The following RTN1 variants were observed in gnomAD, a reference collection of about 807,000 sequenced individuals.
The protein encoded by RTN1 is reticulon 1.
In RTN1, 25 loss-of-function variants were observed where a neutral mutation model predicts 65.5. The ratio of observed to expected loss-of-function variants is 0.38; its 90% confidence interval spans 0.28 to 0.53. RTN1 has a LOEUF of 0.53. RTN1 is among the 20% of genes least tolerant of loss of function. RTN1 has a pLI of 0.79. For synonymous variants in RTN1, 471 were observed against 447.6 expected (o/e 1.05, Z -0.66); for missense variants, 983 against 1,025.4 (o/e 0.96, Z 0.57).
At chr14:59,629,915 T>C (rs566244363) in intron 3 of RTN1, among the ~76,000 whole-genome samples, 52 of 152,304 alleles carry the variant, frequency 3.4e-4, no homozygotes, top group Admixed American at 1.0e-3. Flanking sequence ...GGCTACGCCA[T>C]CATATTTTCA....
At chr14:59,771,106 C>T (rs1370430183) in intron 1 of RTN1, among the ~76,000 whole-genome samples, 1 of 152,098 alleles carries the variant, frequency 6.6e-6, no homozygotes, top group East Asian at 1.9e-4. Flanking sequence ...AGTCATCCCT[C>T]ATCAACATGA....
chr14:59,672,478 C>T (rs567206762), intron 3 of RTN1, among the ~76,000 whole-genome samples: 1 of 152,068 alleles, frequency 6.6e-6, no homozygotes, highest in Non-Finnish European at 1.5e-5. Flanking sequence ...ACATAAAGGA[C>T]ACATCATATG....
Position 59,868,475 on chromosome 14 carries a change from T to TAATACTAAAAATGCAAAA in RTN1, c.241+1914_241+1915insTTTTGCATTTTTAGTATT, listed in dbSNP as rs1887835562. On this transcript the variant is annotated intron_variant, in intron 1 of 8. Transcript: ENST00000267484. The surrounding 1 kb of genome is among the most constrained non-coding windows in gnomAD (Gnocchi z 4.0). Reference sequence around the variant, plus strand: ...AATAATACTAAAAATGCAAAATGCATTGTTATTTACTACAGCCACCTTTCT... The same window carrying TAATACTAAAAATGCAAAA: ...AATAATACTAAAAATGCAAAATGCATAATACTAAAAATGCAAAATGTTATTTACTACAGCCACCTTTCT... Among the ~76,000 whole-genome samples the TAATACTAAAAATGCAAAA allele has an allele frequency of 6.6e-6, 1 of 152,094 alleles. No homozygotes were observed. Among genetic ancestry groups the TAATACTAAAAATGCAAAA allele is most frequent in the Admixed American group, 6.5e-5 (1 of 15,286 alleles).
chr14:59,727,504 T>C lies in RTN1; in HGVS notation c.1180A>G (p.Thr394Ala). 6.3e-7 allele frequency: 1 copy of C among 1,596,706 alleles called. No individual in the cohort carries two copies. The highest frequency in any genetic ancestry group is 8.5e-7 in the Non-Finnish European group (1 of 1,172,314). The change falls in exon 3 of 9, where the codon ACC becomes GCC. Residue 394 changes from threonine (T) to alanine (A), a missense_variant. Physicochemically the swap from Thr to Ala is moderately conservative, Grantham distance 58 (BLOSUM62 0). This residue lies in a region of RTN1 where 818 missense variants were observed against 801.8 expected (regional missense o/e 1.02). Transcript: ENST00000267484. This position sits in a 1 kb window ranked among gnomAD's most constrained non-coding sequence, Gnocchi z 4.2. The stretch of plus-strand genomic sequence containing the variant: ...TCGTGGTCCAGGGGGCTGGGGATGG[T>C]TGGCGGTCCGGACCTGGCCTTGACC... The part of the protein sequence containing the change: ...PEVKARSGPP[T>A]IPSPLDHEAS...
At chr14:59,843,512 C>A (rs1442105876) in intron 1 of RTN1, among the ~76,000 whole-genome samples, 1 of 152,188 alleles carries the variant, frequency 6.6e-6, no homozygotes, top group Non-Finnish European at 1.5e-5. Flanking sequence ...CAGAATCAGT[C>A]TGACAGGTGG....
intron 8 of RTN1, among the ~76,000 whole-genome samples, chr14:59,601,210 T>C (rs1305462919): frequency 6.6e-6 from 1 of 152,192 alleles, no homozygotes; most frequent in Non-Finnish European, 1.5e-5. Flanking sequence ...TAAACATGAC[T>C]TACATTTTCA....
rs375981277 is a variant in RTN1, at chr14:59,818,228, C to T, written c.241+52162G>A. On this transcript the variant is annotated intron_variant, in intron 1 of 8. Coordinates refer to ENST00000267484, the MANE Select transcript of RTN1 (RefSeq NM_021136.3). Reference sequence around the variant, plus strand: ...GTTCTTTTTATGGCAGCATAGTATTCCATGATGTGTATGTACCTTATTTTC... The same window carrying T: ...GTTCTTTTTATGGCAGCATAGTATTTCATGATGTGTATGTACCTTATTTTC... Among the ~76,000 whole-genome samples the T allele has an allele frequency of 5.7e-4, 87 of 152,322 alleles. 2 individuals are homozygous for T. The South Asian group carries it at 0.017, about 30-fold the overall frequency.
intron 3 of RTN1, among the ~76,000 whole-genome samples, chr14:59,712,768 G>A (rs1884450758): frequency 6.6e-6 from 1 of 151,976 alleles, no homozygotes; most frequent in East Asian, 1.9e-4. Context: ...AAAATTAGCT[G>A]GGTGTGGTGG....
At chr14:59,715,988 A>T (rs906077340) in intron 3 of RTN1, among the ~76,000 whole-genome samples, 1 of 152,252 alleles carries the variant, frequency 6.6e-6, no homozygotes, top group African/African-American at 2.4e-5. Flanking sequence ...TATGTAAAAA[A>T]GATTCAAGTA....
chr14:59,675,383 A>G (rs1883602413), intron 3 of RTN1, among the ~76,000 whole-genome samples: 2 of 149,650 alleles, frequency 1.3e-5, no homozygotes, highest in Non-Finnish European at 3.0e-5. Flanking sequence ...CTGGAATGCT[A>G]ATTTGGGGAT....
chr14:59,783,110 T>C, intron 1 of RTN1, among the ~76,000 whole-genome samples: 1 of 152,240 alleles, frequency 6.6e-6, no homozygotes, highest in East Asian at 1.9e-4. Flanking sequence ...TTAGGAAAGC[T>C]GTCCAAGAAC....
intron 3 of RTN1, chr14:59,630,514 G>A (rs1464983766): frequency 1.2e-6 from 2 of 1,613,606 alleles, no homozygotes; most frequent in Admixed American, 1.7e-5. Context: ...CATCGTGCGG[G>A]CTTTGGGGGC....
In RTN1 at chr14:59,727,748, CA is replaced by C. The variant is rs1884812056; in HGVS notation, c.1016-81del. The C allele has an allele frequency of 6.8e-7, 1 of 1,478,760 alleles. No individual in the cohort carries two copies. The highest frequency in any genetic ancestry group is 1.4e-5 in the African/African-American group (1 of 71,148). 91.6% of individuals were successfully genotyped at this position (1,478,760 alleles called of 1,614,324 possible). A position where few individuals can be genotyped will look rare whatever the true frequency, so the allele number is the denominator to read the frequency against. ...ATGGACAGAGAGAGGAGGGATAAAA[CA>C]AAATTCCATTAGGCGAGATGTTTTG... On this transcript the variant is annotated intron_variant, in intron 2 of 8. Transcript: ENST00000267484. This position sits in a 1 kb window ranked among gnomAD's most constrained non-coding sequence, Gnocchi z 4.2.
chr14:59,767,995 A>G (rs1336472203), intron 1 of RTN1, among the ~76,000 whole-genome samples: 1 of 152,240 alleles, frequency 6.6e-6, no homozygotes, highest in East Asian at 1.9e-4. Context: ...TCTGTCAGTG[A>G]CTACTTGATA....
chr14:59,739,435 G>A (rs561257275), intron 2 of RTN1, among the ~76,000 whole-genome samples: 2 of 152,096 alleles, frequency 1.3e-5, no homozygotes, highest in East Asian at 1.9e-4. Context: ...CAGCTACTCA[G>A]GAGGCTGAGG....
intron 3 of RTN1, among the ~76,000 whole-genome samples, chr14:59,685,192 C>CA (rs143664550): frequency 0.055 from 8,304 of 152,162 alleles, 760 homozygotes; most frequent in African/African-American, 0.19. Context: ...CCATATATGA[C>CA]AAACTCACAG....
chr14:59,814,055 T>G (rs1045270531), intron 1 of RTN1, among the ~76,000 whole-genome samples: 3 of 152,224 alleles, frequency 2.0e-5, no homozygotes, highest in African/African-American at 7.2e-5. Context: ...CAGGGACTCC[T>G]GTGAAGCCCA....
chr14:59,777,023 C>T (rs930696705), intron 1 of RTN1, among the ~76,000 whole-genome samples: 1 of 152,108 alleles, frequency 6.6e-6, no homozygotes, highest in South Asian at 2.1e-4. Context: ...AACAGGCAAG[C>T]GTTCATTACG....
At position 59,603,103 on chromosome 14, in the gene RTN1, C is replaced by T; in HGVS notation, c.2250G>A (p.Leu750=). ...CATTTATGTGAGTCCTCACAAGTCC[C>T]AGATATTGGTCAATCTGTGCCTACA... is the stretch of plus-strand genomic sequence containing the variant. ...VKHQAQIDQY[L]GLVRTHINAV... is the part of the protein sequence containing the mutation. The change falls in exon 8 of 9, where the codon CTG becomes CTA. Residue 750 remains leucine, a synonymous_variant. Coordinates refer to ENST00000267484, the MANE Select transcript of RTN1 (RefSeq NM_021136.3). 1.2e-6 allele frequency: 2 copies of T among 1,613,366 alleles called. No individual in the cohort carries two copies. Among genetic ancestry groups the T allele is most frequent in the African/African-American group, 2.7e-5 (2 of 74,910 alleles).
Sources: gnomAD v4.1 joint callset for allele counts (sites outside exome capture counted in the v4.1 genomes callset) on GRCh38, gnomAD v4.1.1 for gene constraint, gnomAD v4.1.1 regional missense constraint, Gnocchi (gnomAD v3.1) non-coding constraint, MANE v1.5 for transcripts, NCBI Gene and HGNC (gene_info 2026-07-23, HGNC 2026-07-21) for gene names.